GRID2: variants seen among roughly 807,000 people sequenced by gnomAD.
The protein encoded by GRID2 is glutamate receptor ionotropic, delta-2.
A neutral mutation model predicts 114.8 loss-of-function variants in GRID2; 33 were observed. The ratio of observed to expected loss-of-function variants is 0.29; its 90% CI spans 0.22 to 0.38. GRID2 has a LOEUF of 0.38. GRID2 is among the 10% of genes least tolerant of loss of function. The pLI, the probability that GRID2 is intolerant of heterozygous loss-of-function variation, is 1.00. For missense variants in GRID2, 1,184 were observed against 1,257.7 expected (o/e 0.94, Z 0.89); for synonymous variants, 505 against 449.9 (o/e 1.12, Z -1.55).
intron 14 of GRID2, among the ~76,000 whole-genome samples, chr4:93,743,646 T>G (rs1252190387): frequency 1.3e-5 from 2 of 152,140 alleles, no homozygotes; most frequent in Non-Finnish European, 2.9e-5. Flanking sequence ...TGCCAGACTC[T>G]TTTTAATAAC....
intron 11 of GRID2, among the ~76,000 whole-genome samples, chr4:93,472,962 G>A (rs534299208): frequency 1.3e-5 from 2 of 152,122 alleles, no homozygotes; most frequent in Non-Finnish European, 2.9e-5. Flanking sequence ...AAACCCACAC[G>A]ACAGGGCTTA....
intron 2 of GRID2, among the ~76,000 whole-genome samples, chr4:93,020,888 C>T (rs943827969): frequency 2.0e-5 from 3 of 151,890 alleles, no homozygotes; most frequent in East Asian, 1.9e-4. Flanking sequence ...CAAAATTAGC[C>T]GGGCATGGTG....
chr4:93,224,590 G>T, intron 6 of GRID2, 24 bp from the exon 7 acceptor site: 1 of 1,520,580 alleles, frequency 6.6e-7, no homozygotes, highest in South Asian at 1.1e-5. Context: ...TGATTCTAAT[G>T]ATCACTTTCT....
chr4:93,344,984 A>AGTGTGT (rs35018148), intron 8 of GRID2, among the ~76,000 whole-genome samples: 1,475 of 142,480 alleles, frequency 0.01, 12 homozygotes, highest in African/African-American at 0.018. Context: ...GTTGTATTCT[A>AGTGTGT]GTGTGTGTGT....
At chr4:93,794,749 C>T (rs1391062849) in intron 1 of GRID2, among the ~76,000 whole-genome samples, 2 of 152,148 alleles carry the variant, frequency 1.3e-5, no homozygotes, top group Non-Finnish European at 2.9e-5. Context: ...ATAAACTGTG[C>T]TTAACCAGTT....
intron 1 of GRID2, among the ~76,000 whole-genome samples, chr4:92,488,252 C>G (rs1722989438): frequency 6.6e-6 from 1 of 152,072 alleles, no homozygotes; most frequent in South Asian, 2.1e-4. Context: ...GTTCTGACAA[C>G]CAGTGAGAAA....
chr4:93,619,008 G>T (rs1741966409), intron 13 of GRID2, among the ~76,000 whole-genome samples: 2 of 152,078 alleles, frequency 1.3e-5, no homozygotes, highest in African/African-American at 4.8e-5. Flanking sequence ...ATTTAGAGGT[G>T]GGCATAACAC....
At chr4:92,625,949 A>G (rs1245845957) in intron 2 of GRID2, among the ~76,000 whole-genome samples, 8 of 151,994 alleles carry the variant, frequency 5.3e-5, no homozygotes, top group Admixed American at 5.2e-4. Context: ...TTTTTCACTT[A>G]CATTTTAAAA....
intron 13 of GRID2, among the ~76,000 whole-genome samples, chr4:93,545,331 T>C (rs1733104118): frequency 1.3e-5 from 2 of 152,148 alleles, no homozygotes; most frequent in South Asian, 4.1e-4. Flanking sequence ...GTATATGACG[T>C]TGTACTGCTG....
chr4:92,365,730 G>A (rs1728831511), intron 1 of GRID2, among the ~76,000 whole-genome samples: 1 of 151,898 alleles, frequency 6.6e-6, no homozygotes. Context: ...TACATCAAAA[G>A]ATCACACTGT....
chr4:92,644,114 G>T (rs1363682327), intron 2 of GRID2, among the ~76,000 whole-genome samples: 1 of 151,624 alleles, frequency 6.6e-6, no homozygotes, highest in Non-Finnish European at 1.5e-5. Context: ...TAAAAAAAGG[G>T]TAGTGTTGGC....
At chr4:93,036,162 G>A (rs570639541) in intron 2 of GRID2, among the ~76,000 whole-genome samples, 1 of 152,074 alleles carries the variant, frequency 6.6e-6, no homozygotes, top group African/African-American at 2.4e-5. Flanking sequence ...CCAAAAGGTG[G>A]CAATAATCTT....
At chr4:93,268,396 T>A (rs150601157) in intron 8 of GRID2, among the ~76,000 whole-genome samples, 52 of 152,286 alleles carry the variant, frequency 3.4e-4, no homozygotes, top group African/African-American at 1.3e-3. Flanking sequence ...TTAACCTTTA[T>A]CACCTCCTCA....
intron 1 of GRID2, among the ~76,000 whole-genome samples, chr4:92,409,772 C>T (rs995998284): frequency 5.3e-5 from 8 of 152,138 alleles, no homozygotes; most frequent in Non-Finnish European, 8.8e-5. Context: ...TTAGTTTCAA[C>T]ATCCCTGCAG....
intron 1 of GRID2, among the ~76,000 whole-genome samples, chr4:92,362,786 G>C (rs1176484014): frequency 6.6e-6 from 1 of 151,914 alleles, no homozygotes; most frequent in East Asian, 1.9e-4. Flanking sequence ...AATAATTTGA[G>C]GTAATTATGA....
chr4:92,909,310 C>T (rs1447684402), intron 2 of GRID2, among the ~76,000 whole-genome samples: 2 of 150,172 alleles, frequency 1.3e-5, no homozygotes. Context: ...ACTTGTTTTG[C>T]GATAGCCATC....
At chr4:92,552,853 A>G (rs753998399) in intron 1 of GRID2, among the ~76,000 whole-genome samples, 1 of 152,196 alleles carries the variant, frequency 6.6e-6, no homozygotes, top group Non-Finnish European at 1.5e-5. Flanking sequence ...GGAATTATAT[A>G]GACTGAACTG....
At chr4:92,885,828 T>A (rs1351473403) in intron 2 of GRID2, among the ~76,000 whole-genome samples, 1 of 152,244 alleles carries the variant, frequency 6.6e-6, no homozygotes, top group Non-Finnish European at 1.5e-5. Context: ...TTAGACTGTT[T>A]GGAAATAGCC....
chr4:92,417,002 A>C (rs999198926), intron 1 of GRID2, among the ~76,000 whole-genome samples: 7 of 151,968 alleles, frequency 4.6e-5, no homozygotes, highest in Admixed American at 1.3e-4. Context: ...CAATATAGTC[A>C]TTTTTACAAT....
Sources: allele counts gnomAD v4.1 joint callset (sites outside exome capture counted in the v4.1 genomes callset), GRCh38; gene constraint gnomAD v4.1.1; transcripts MANE v1.5; gene names NCBI Gene and HGNC (gene_info 2026-07-23, HGNC 2026-07-21).